The following SOX5 variants were observed in gnomAD, a reference collection of about 807,000 sequenced individuals.
The protein encoded by SOX5 is SRY-box transcription factor 5.
SOX5 carries 9 observed loss-of-function variants against 92.0 expected under a neutral mutation model. That is an observed-to-expected ratio of 0.10 (90% CI 0.06 to 0.17). SOX5 has a LOEUF of 0.17. Among genes scored for constraint, SOX5 ranks in the 10% least tolerant of loss-of-function variants. The pLI is 1.00. For synonymous variants in SOX5, 344 were observed against 336.3 expected (o/e 1.02, Z -0.25); for missense variants, 642 against 944.5 (o/e 0.68, Z 4.20).
chr12:23,762,746 A>T (rs1001634113), intron 3 of SOX5: 12 of 421,104 alleles, frequency 2.8e-5, no homozygotes, highest in African/African-American at 2.5e-4. Flanking sequence ...AACCTGCTCA[A>T]TTATAATTGG....
chr12:23,630,988 C>G (rs4963705), intron 8 of SOX5, among the ~76,000 whole-genome samples: 11 of 151,746 alleles, frequency 7.2e-5, no homozygotes, highest in Non-Finnish European at 1.6e-4. Context: ...TAATTAAGTA[C>G]ATTTTTCTGT....
chr12:23,866,211 A>G (rs2136595569), intron 2 of SOX5, among the ~76,000 whole-genome samples: 1 of 152,344 alleles, frequency 6.6e-6, no homozygotes, highest in South Asian at 2.1e-4. Context: ...TAATAGCTAT[A>G]CACACATATG....
intron 3 of SOX5, among the ~76,000 whole-genome samples, chr12:24,235,386 A>G (rs1432392395): frequency 6.6e-6 from 1 of 152,236 alleles, no homozygotes; most frequent in African/African-American, 2.4e-5. Flanking sequence ...TATTCCAATT[A>G]CTAGAGGTCA....
intron 1 of SOX5, among the ~76,000 whole-genome samples, chr12:24,482,726 T>C (rs1946129501): frequency 6.6e-6 from 1 of 152,228 alleles, no homozygotes; most frequent in African/African-American, 2.4e-5. Flanking sequence ...ACTTTTAATT[T>C]GTGTAGAATG....
chr12:23,652,093 CCTT>C (rs2139061499), intron 7 of SOX5, among the ~76,000 whole-genome samples: 1 of 152,046 alleles, frequency 6.6e-6, no homozygotes, highest in African/African-American at 2.4e-5. Flanking sequence ...AATCTTAAAT[CCTT>C]CTCCTACTCT....
intron 9 of SOX5, among the ~76,000 whole-genome samples, chr12:23,586,764 C>T (rs1459345634): frequency 6.6e-6 from 1 of 151,342 alleles, no homozygotes; most frequent in Non-Finnish European, 1.5e-5. Context: ...TAGAAATGAC[C>T]TAAAGATTAT....
intron 4 of SOX5, among the ~76,000 whole-genome samples, chr12:24,105,993 C>T (rs1946622000): frequency 6.6e-6 from 1 of 152,056 alleles, no homozygotes. Flanking sequence ...CAGTAGCAAA[C>T]CTTTGCCCTT....
intron 2 of SOX5, among the ~76,000 whole-genome samples, chr12:24,344,390 G>C (rs1329453726): frequency 2.6e-5 from 4 of 151,388 alleles, no homozygotes; most frequent in Non-Finnish European, 5.9e-5. Context: ...TTGCTGCTTG[G>C]CCAGTTTGCG....
At chr12:24,206,116 G>A (rs570642238) in intron 4 of SOX5, among the ~76,000 whole-genome samples, 33 of 152,212 alleles carry the variant, frequency 2.2e-4, no homozygotes, top group African/African-American at 7.5e-4. Context: ...AAAAATAAGC[G>A]CTGCTTTAAC....
chr12:23,834,818 T>C (rs2096386881), intron 3 of SOX5, among the ~76,000 whole-genome samples: 1 of 151,844 alleles, frequency 6.6e-6, no homozygotes, highest in South Asian at 2.1e-4. Flanking sequence ...GTGAGTTGTG[T>C]CTGTTGTGGT....
chr12:24,308,434 A>C (rs1170464735), intron 2 of SOX5, among the ~76,000 whole-genome samples: 2 of 152,146 alleles, frequency 1.3e-5, no homozygotes, highest in East Asian at 3.8e-4. Context: ...CTTTTTAATA[A>C]ATGTTCACTG....
At chr12:23,807,646 T>TTC (rs896082219) in intron 3 of SOX5, among the ~76,000 whole-genome samples, 1 of 151,218 alleles carries the variant, frequency 6.6e-6, no homozygotes, top group Non-Finnish European at 1.5e-5. Flanking sequence ...AATTCCATTT[T>TTC]TTTTTTTTTT....
intron 6 of SOX5, among the ~76,000 whole-genome samples, chr12:23,717,588 G>A (rs1452764040): frequency 1.3e-5 from 2 of 152,158 alleles, no homozygotes; most frequent in Admixed American, 1.3e-4. Context: ...TATGTAAGCA[G>A]GTGGGTATGT....
chr12:23,972,885 T>G (rs1231421471), intron 4 of SOX5, among the ~76,000 whole-genome samples: 1 of 152,146 alleles, frequency 6.6e-6, no homozygotes, highest in Non-Finnish European at 1.5e-5. Context: ...GTGACCACCA[T>G]GCAGTGCAAT....
chr12:24,138,687 T>C lies in SOX5; in HGVS notation c.-2+74656A>G, dbSNP rs1479484740. ...ATATTTATTCTTAAAAATTCAGGTCTAAAATGCTACTTTTACAAAATGACC... is the reference window on the plus strand; with the variant it reads ...ATATTTATTCTTAAAAATTCAGGTCCAAAATGCTACTTTTACAAAATGACC... On this transcript the variant is annotated intron_variant, in intron 4 of 4. Transcript: ENST00000446891. Among the ~76,000 whole-genome samples the C allele has an allele frequency of 2.6e-5, 4 of 152,214 alleles. No homozygotes were observed. The East Asian group carries it at 7.7e-4, about 29-fold the overall frequency.
At chr12:23,557,093 AGAAAAGGGTTGG>A (rs1298694687) in intron 11 of SOX5, among the ~76,000 whole-genome samples, 1 of 152,184 alleles carries the variant, frequency 6.6e-6, no homozygotes, top group Non-Finnish European at 1.5e-5. Context: ...TTAAAGGGAA[AGAAAAGGGTTGG>A]ACAATGGCAG....
At chr12:24,266,125 G>A (rs1475090634) in intron 3 of SOX5, among the ~76,000 whole-genome samples, 17 of 150,486 alleles carry the variant, frequency 1.1e-4, no homozygotes, top group Non-Finnish European at 2.2e-4. Context: ...TGTTGCCCAG[G>A]CTGGTTTCGA....
intron 4 of SOX5, among the ~76,000 whole-genome samples, chr12:23,962,894 CA>C (rs1947111286): frequency 6.6e-6 from 1 of 152,064 alleles, no homozygotes; most frequent in Non-Finnish European, 1.5e-5. Context: ...ACTTCATAAG[CA>C]ACCCGAACAT....
At chr12:24,250,669 C>G (rs1414546186) in intron 3 of SOX5, among the ~76,000 whole-genome samples, 1 of 152,178 alleles carries the variant, frequency 6.6e-6, no homozygotes, top group Non-Finnish European at 1.5e-5. Context: ...TTTTATTTAA[C>G]TTTTAAAACA....
Sources: allele counts gnomAD v4.1 joint callset (sites outside exome capture counted in the v4.1 genomes callset), GRCh38; gene constraint gnomAD v4.1.1; transcripts MANE v1.5; gene names NCBI Gene and HGNC (gene_info 2026-07-23, HGNC 2026-07-21).